The following FBXL5 variants were observed in gnomAD, a reference collection of about 807,000 sequenced individuals.
The protein encoded by FBXL5 is F-box/LRR-repeat protein 5.
FBXL5 carries 26 observed loss-of-function variants against 78.3 expected under a neutral mutation model. The ratio of observed to expected loss-of-function variants is 0.33; its 90% CI spans 0.24 to 0.46. FBXL5 has a LOEUF of 0.46. Among genes scored for constraint, FBXL5 ranks in the 20% least tolerant of loss-of-function variants. FBXL5 has a pLI of 1.00. For missense variants in FBXL5, 710 were observed against 829.2 expected (o/e 0.86, Z 1.77); for synonymous variants, 295 against 282.5 (o/e 1.04, Z -0.45).
At chr4:15,615,236 C>T (rs1257118553) in intron 9 of FBXL5, among the ~76,000 whole-genome samples, 1 of 152,150 alleles carries the variant, frequency 6.6e-6, no homozygotes, top group Admixed American at 6.5e-5. Flanking sequence ...GCCTCCCCAA[C>T]GAGCACTACC....
chr4:15,645,585 G>A (rs1033362548), intron 1 of FBXL5, among the ~76,000 whole-genome samples: 1 of 151,966 alleles, frequency 6.6e-6, no homozygotes, highest in Admixed American at 6.6e-5. Context: ...TCGCCACCAC[G>A]CCCGGCTAAT....
chr4:15,662,067 CAT>C (rs1717336761), upstream of FBXL5, among the ~76,000 whole-genome samples: 1 of 151,950 alleles, frequency 6.6e-6, no homozygotes, highest in African/African-American at 2.4e-5. Flanking sequence ...TCTTTTATAA[CAT>C]AATCTCAGAA....
intron 4 of FBXL5, 59 bp from the exon 5 acceptor site, chr4:15,636,735 T>C (rs1337608389): frequency 1.4e-5 from 17 of 1,234,562 alleles, no homozygotes; most frequent in African/African-American, 9.9e-5. Flanking sequence ...CAATAAGAAA[T>C]TACAATTACA....
intron 3 of FBXL5, among the ~76,000 whole-genome samples, chr4:15,640,436 TG>T (rs1172128859): frequency 7.5e-5 from 10 of 132,672 alleles, no homozygotes; most frequent in African/African-American, 2.7e-4. Context: ...AAACATAGCA[TG>T]AAAACAAAAA....
intron 1 of FBXL5, among the ~76,000 whole-genome samples, chr4:15,672,374 T>A (rs898699891): frequency 6.6e-6 from 1 of 152,224 alleles, no homozygotes; most frequent in African/African-American, 2.4e-5. Flanking sequence ...CACCTTTAGG[T>A]AATTTCATCA....
In FBXL5 at chr4:15,673,285, CA is replaced by C. The variant is rs557374565; in HGVS notation, c.-284+8097del. On this transcript the variant is annotated intron_variant, in intron 1 of 4. Transcript: ENST00000507899. ...CAAAATCCTGTCTCTACAAAAAATA[CA>C]AAAAATTAGCCGGGTGTGTTGACCC... 2.9e-3 allele frequency among the ~76,000 whole-genome samples: 447 copies of C among 151,960 alleles called. 1 individual carries two copies. Among genetic ancestry groups the C allele is most frequent in the African/African-American group, 9.3e-3 (384 of 41,464 alleles).
intron 5 of FBXL5, 117 bp from the exon 6 acceptor site, chr4:15,630,908 G>A: frequency 7.7e-7 from 1 of 1,296,634 alleles, no homozygotes; most frequent in Non-Finnish European, 1.1e-6. Context: ...TGAGCCCTAG[G>A]CAATAAGCAA....
At chr4:15,607,717 C>A (rs771571084) in intron 10 of FBXL5, among the ~76,000 whole-genome samples, 5 of 152,172 alleles carry the variant, frequency 3.3e-5, no homozygotes, top group Non-Finnish European at 1.5e-5. Flanking sequence ...TAGTGCCTCT[C>A]CTCAAGACAC....
At position 15,606,731 on chromosome 4, in the gene FBXL5, A is replaced by C. The variant is rs75487672; in HGVS notation, c.2000-932T>G. Among the ~76,000 whole-genome samples the C allele has an allele frequency of 3.6e-3, 553 of 152,360 alleles. 6 individuals are homozygous for C. Among genetic ancestry groups the C allele is most frequent in the African/African-American group, 0.013 (536 of 41,590 alleles). On this transcript the variant is annotated intron_variant, in intron 10 of 10. Transcript: ENST00000341285. ...AACAACCAAAATACTTGCAATTGTG[A>C]TATAAGGAACAATACAAAATGAAAA...
In FBXL5 at chr4:15,625,236, G is replaced by A. The variant is rs1712914945; in HGVS notation, c.1850+16C>T. 2 of 1,563,550 alleles carry A rather than the reference G, an allele frequency of 1.3e-6. No individual in the cohort carries two copies. Among genetic ancestry groups the A allele is most frequent in the African/African-American group, 1.6e-5 (1 of 64,496 alleles). On this transcript the variant is annotated intron_variant, in intron 9 of 10. Transcript: ENST00000341285. ...GAACACGTCTATTTCTTAATATTCT[G>A]GAACTGATAACTCACCTGAGACCAT...
At chr4:15,631,537 G>A (rs6839438) in intron 5 of FBXL5, among the ~76,000 whole-genome samples, 42,487 of 152,084 alleles carry the variant, frequency 0.28, 6,178 homozygotes, top group East Asian at 0.47. Context: ...CCCACCAACA[G>A]TGTAAAAGTG....
intron 1 of FBXL5, among the ~76,000 whole-genome samples, chr4:15,654,282 C>G (rs1043784647): frequency 2.0e-5 from 3 of 152,210 alleles, no homozygotes; most frequent in African/African-American, 7.2e-5. Context: ...AGAAACGGGA[C>G]TGCCTGAGGT....
In FBXL5 at chr4:15,625,623, A is replaced by G. The variant is rs551748603; in HGVS notation, c.1479T>C (p.Thr493=). 8 of 1,614,198 alleles carry G rather than the reference A, an allele frequency of 5.0e-6. No homozygotes were observed. The highest frequency in any genetic ancestry group is 3.3e-5 in the South Asian group (3 of 91,076). ...CAACATTTCTATGTCTCCATTCCAC[A>G]GTATCTTCAATATCAGCCAAATCTT... The part of the protein sequence containing the change: ...DAEDLADIED[T]VEWRHRNVES... Residue 493 remains threonine, a synonymous_variant, in exon 9 of 11, where the codon ACT becomes ACC. Coordinates refer to ENST00000341285, the MANE Select transcript of FBXL5 (RefSeq NM_012161.4).
chr4:15,633,632 C>A (rs991573216), intron 5 of FBXL5, among the ~76,000 whole-genome samples: 1 of 152,114 alleles, frequency 6.6e-6, no homozygotes, highest in African/African-American at 2.4e-5. Context: ...CTCACTCTGC[C>A]GCCCAGGCTG....
chr4:15,612,436 A>G (rs200326825), intron 9 of FBXL5, 22 bp from the exon 10 acceptor site: 5 of 1,586,506 alleles, frequency 3.2e-6, no homozygotes, highest in Non-Finnish European at 4.3e-6. Flanking sequence ...ATAATTTGAC[A>G]ATTAGAAGAT....
At chr4:15,676,502 G>T (rs1447931816) in intron 1 of FBXL5, among the ~76,000 whole-genome samples, 1 of 152,146 alleles carries the variant, frequency 6.6e-6, no homozygotes, top group Non-Finnish European at 1.5e-5. Context: ...TCAATAAAAT[G>T]AAATATGTGG....
chr4:15,655,613 G>C (rs115294707), upstream of FBXL5, among the ~76,000 whole-genome samples: 295 of 152,326 alleles, frequency 1.9e-3, 1 homozygote, highest in African/African-American at 7.0e-3. Flanking sequence ...AGTAGCTGAG[G>C]GTAGGGGAAA....
intron 9 of FBXL5, among the ~76,000 whole-genome samples, chr4:15,617,662 C>T (rs1266476268): frequency 6.6e-6 from 1 of 151,846 alleles, no homozygotes; most frequent in Non-Finnish European, 1.5e-5. Context: ...CTGGAACTAA[C>T]AAACTAGCAA....
At chr4:15,650,168 G>A (rs769596369) in intron 1 of FBXL5, among the ~76,000 whole-genome samples, 2 of 152,134 alleles carry the variant, frequency 1.3e-5, no homozygotes, top group African/African-American at 2.4e-5. Context: ...CCAGGGATGT[G>A]GCTAAACATC....
Sources: allele counts gnomAD v4.1 joint callset (sites outside exome capture counted in the v4.1 genomes callset), GRCh38; gene constraint gnomAD v4.1.1; transcripts MANE v1.5; gene names NCBI Gene and HGNC (gene_info 2026-07-23, HGNC 2026-07-21).